Variants in ANKRD44 observed in about 807,000 individuals in gnomAD.
ANKRD44 encodes the protein ankyrin repeat domain 44.
A neutral mutation model predicts 116.0 loss-of-function variants in ANKRD44; 35 were observed. That is an observed-to-expected ratio of 0.30 (90% CI 0.23 to 0.40). The LOEUF (loss-of-function observed/expected upper bound fraction) is 0.40. Ranked by LOEUF, ANKRD44 falls within the 10% of genes least tolerant of loss-of-function variation. ANKRD44 has a pLI of 1.00. For missense variants in ANKRD44, 1,014 were observed against 1,242.6 expected (o/e 0.82, Z 2.77); for synonymous variants, 435 against 461.8 (o/e 0.94, Z 0.74).
chr2:197,230,092 AG>A (rs1287948746), intron 1 of ANKRD44, among the ~76,000 whole-genome samples: 2 of 152,094 alleles, frequency 1.3e-5, no homozygotes, highest in Non-Finnish European at 2.9e-5. Context: ...TGTGCAATGC[AG>A]CCAACACGAG....
At chr2:197,109,579 T>A (rs73051341) in intron 9 of ANKRD44, among the ~76,000 whole-genome samples, 8,902 of 152,270 alleles carry the variant, frequency 0.058, 512 homozygotes, top group African/African-American at 0.15. Context: ...CTTAAGTGAC[T>A]AAGACATAAC....
At chr2:197,265,826 G>A (rs1351455719) in intron 1 of ANKRD44, among the ~76,000 whole-genome samples, 3 of 152,000 alleles carry the variant, frequency 2.0e-5, no homozygotes, top group Non-Finnish European at 4.4e-5. Flanking sequence ...AAAAAGGAAC[G>A]TTTTTAATAA....
intron 1 of ANKRD44, among the ~76,000 whole-genome samples, chr2:197,285,786 T>A (rs965762613): frequency 6.6e-6 from 1 of 152,120 alleles, no homozygotes; most frequent in African/African-American, 2.4e-5. Context: ...ACAAAGAACC[T>A]GTACAAAGCT....
intron 1 of ANKRD44, among the ~76,000 whole-genome samples, chr2:197,249,252 A>G (rs1042153678): frequency 4.6e-5 from 7 of 152,288 alleles, no homozygotes; most frequent in Middle Eastern, 3.4e-3. Context: ...CAGCCTGGGC[A>G]ACAGAGTGAG....
intron 1 of ANKRD44, among the ~76,000 whole-genome samples, chr2:197,187,610 A>T (rs1019532716): frequency 2.6e-5 from 4 of 151,972 alleles, no homozygotes; most frequent in Non-Finnish European, 4.4e-5. Flanking sequence ...TGTCTTCATA[A>T]GAAGAGGAAG....
intron 1 of ANKRD44, among the ~76,000 whole-genome samples, chr2:197,226,649 C>T (rs1195830795): frequency 2.1e-5 from 3 of 142,888 alleles, no homozygotes; most frequent in Non-Finnish European, 4.7e-5. Flanking sequence ...GCGACAAGAG[C>T]AGACTCCGTC....
intron 16 of ANKRD44, among the ~76,000 whole-genome samples, chr2:197,077,165 T>A (rs761577991): frequency 6.6e-6 from 1 of 152,146 alleles, no homozygotes; most frequent in Non-Finnish European, 1.5e-5. Context: ...CTGGCCAGCA[T>A]CTGTTATTTT....
At chr2:197,243,965 G>A (rs762350765) in intron 1 of ANKRD44, among the ~76,000 whole-genome samples, 8 of 152,174 alleles carry the variant, frequency 5.3e-5, no homozygotes, top group East Asian at 1.9e-4. Flanking sequence ...TTAAGAAATC[G>A]TATAGTATTA....
In ANKRD44 at chr2:197,203,373, C is replaced by T. The variant is rs2081135814; in HGVS notation, c.28-16267G>A. ...TATAAATCTCTAAGAACTACTTCAC[C>T]ATTTCTGGTGTGTGTGAGATACCAT... On this transcript the variant is annotated intron_variant, in intron 1 of 27. Coordinates refer to ENST00000282272, the MANE Select transcript of ANKRD44 (RefSeq NM_001195144.2). This position sits in a 1 kb window ranked among gnomAD's most constrained non-coding sequence, Gnocchi z 4.1. Among the ~76,000 whole-genome samples, 1 of 152,086 alleles carries T rather than the reference C, an allele frequency of 6.6e-6. No individual in the cohort carries two copies. The highest frequency in any genetic ancestry group is 6.5e-5 in the Admixed American group (1 of 15,272).
chr2:197,188,839 G>A (rs1056221079), intron 1 of ANKRD44, among the ~76,000 whole-genome samples: 1 of 152,030 alleles, frequency 6.6e-6, no homozygotes, highest in Non-Finnish European at 1.5e-5. Context: ...CTGACCATAA[G>A]AATCACCGGA....
chr2:197,225,688 A>G (rs958371628), intron 1 of ANKRD44, among the ~76,000 whole-genome samples: 1 of 150,858 alleles, frequency 6.6e-6, no homozygotes, highest in Admixed American at 6.6e-5. Flanking sequence ...GTTTTGGGAA[A>G]TCTGATTCCC....
intron 1 of ANKRD44, among the ~76,000 whole-genome samples, chr2:197,254,751 TAC>T (rs543231338): frequency 5.1e-4 from 73 of 142,578 alleles, no homozygotes; most frequent in African/African-American, 1.5e-3. Flanking sequence ...CACACATACA[TAC>T]ACACACACAC....
Position 196,988,755 on chromosome 2 carries a change from G to A in ANKRD44, c.*836C>T. 7 of 985,398 alleles carry A rather than the reference G, an allele frequency of 7.1e-6. No homozygotes were observed. Among genetic ancestry groups the A allele is most frequent in the Non-Finnish European group, 8.4e-6 (7 of 829,928 alleles). 61.0% of individuals were successfully genotyped at this position (985,398 alleles called of 1,614,324 possible). Reference sequence around the variant, plus strand: ...CATTTCTTTTCTGTCTCTTCCTCAAGTAGAAAATAGCACTTGAGCTGGTGA... The same window carrying A: ...CATTTCTTTTCTGTCTCTTCCTCAAATAGAAAATAGCACTTGAGCTGGTGA... On this transcript the variant is annotated 3_prime_UTR_variant, in exon 28 of 28. Transcript: ENST00000282272.
intron 16 of ANKRD44, among the ~76,000 whole-genome samples, chr2:197,026,056 A>AAAAC (rs1338139214): frequency 6.7e-6 from 1 of 149,154 alleles, no homozygotes; most frequent in Non-Finnish European, 1.5e-5. Context: ...ACAAAAAAAA[A>AAAAC]AAAAACACCT....
intron 1 of ANKRD44, among the ~76,000 whole-genome samples, chr2:197,263,978 G>A (rs78048041): frequency 0.04 from 6,144 of 152,270 alleles, 210 homozygotes; most frequent in Admixed American, 0.11. Context: ...CCAGAAGCCC[G>A]GTACAGTGGT....
At chr2:197,103,351 T>C (rs186520497) in intron 9 of ANKRD44, among the ~76,000 whole-genome samples, 1 of 152,306 alleles carries the variant, frequency 6.6e-6, no homozygotes, top group East Asian at 1.9e-4. Context: ...TTTCTATACG[T>C]GAAAGGTTTT....
intron 2 of ANKRD44, among the ~76,000 whole-genome samples, chr2:197,154,458 C>T (rs1448900544): frequency 1.3e-5 from 2 of 152,082 alleles, no homozygotes; most frequent in Non-Finnish European, 2.9e-5. Context: ...GGATTACAGG[C>T]GTGAGCCACC....
chr2:197,091,528 T>C (rs1002803486), intron 10 of ANKRD44, among the ~76,000 whole-genome samples: 1 of 152,172 alleles, frequency 6.6e-6, no homozygotes, highest in Non-Finnish European at 1.5e-5. Flanking sequence ...AGCTAATTTT[T>C]TGGTGTATTT....
chr2:197,245,115 C>T (rs1351723235), intron 1 of ANKRD44, among the ~76,000 whole-genome samples: 5 of 152,206 alleles, frequency 3.3e-5, no homozygotes, highest in African/African-American at 1.2e-4. Flanking sequence ...CAAAAATTAG[C>T]CAGGAATGGT....
Sources: gnomAD v4.1 joint callset for allele counts (sites outside exome capture counted in the v4.1 genomes callset) on GRCh38, gnomAD v4.1.1 for gene constraint, Gnocchi (gnomAD v3.1) non-coding constraint, MANE v1.5 for transcripts, NCBI Gene and HGNC (gene_info 2026-07-23, HGNC 2026-07-21) for gene names.